The following KCND2 variants were observed in gnomAD, a reference collection of about 807,000 sequenced individuals.
The protein encoded by KCND2 is A-type voltage-gated potassium channel KCND2.
Under a neutral mutation model 54.4 loss-of-function variants are expected in KCND2, and 16 were observed. The observed-to-expected ratio is 0.29, with a 90% CI of 0.20 to 0.45. The LOEUF (loss-of-function observed/expected upper bound fraction) is 0.45, where lower values mean the gene tolerates loss of function less well. Ranked by LOEUF, KCND2 falls within the 20% of genes least tolerant of loss-of-function variation. The pLI is 1.00. For synonymous variants in KCND2, 317 were observed against 310.7 expected (o/e 1.02, Z -0.21); for missense variants, 486 against 824.2 (o/e 0.59, Z 5.02).
chr7:120,560,228 A>G (rs771154911), intron 1 of KCND2, among the ~76,000 whole-genome samples: 3 of 152,214 alleles, frequency 2.0e-5, no homozygotes, highest in Non-Finnish European at 4.4e-5. Context: ...AAAGTCCCAG[A>G]AATCATTTTT....
chr7:120,355,033 T>C (rs1359295487), intron 1 of KCND2, among the ~76,000 whole-genome samples: 15 of 152,180 alleles, frequency 9.9e-5, no homozygotes, highest in Admixed American at 9.8e-4. Flanking sequence ...GTCCAGACTA[T>C]GAAGAAATGA....
intron 1 of KCND2, among the ~76,000 whole-genome samples, chr7:120,618,878 G>C (rs1257698196): frequency 1.3e-5 from 2 of 151,988 alleles, no homozygotes; most frequent in Non-Finnish European, 2.9e-5. Context: ...AGGTCTTACT[G>C]TGTTGCACAG....
intron 1 of KCND2, among the ~76,000 whole-genome samples, chr7:120,716,618 C>A (rs1386207861): frequency 1.3e-5 from 2 of 152,082 alleles, no homozygotes; most frequent in Non-Finnish European, 2.9e-5. Flanking sequence ...AAAGCTTTTT[C>A]TAGGCATAAC....
chr7:120,623,912 A>G (rs537784898), intron 1 of KCND2, among the ~76,000 whole-genome samples: 1 of 152,298 alleles, frequency 6.6e-6, no homozygotes, highest in South Asian at 2.1e-4. Context: ...TTCAGGGCTT[A>G]ATACAGCCAG....
intron 1 of KCND2, among the ~76,000 whole-genome samples, chr7:120,359,916 C>T (rs886407319): frequency 6.6e-6 from 1 of 152,018 alleles, no homozygotes; most frequent in African/African-American, 2.4e-5. Flanking sequence ...CCATGTAAGC[C>T]GTGCCTGCTT....
At chr7:120,439,546 T>C (rs939905507) in intron 1 of KCND2, among the ~76,000 whole-genome samples, 1 of 152,054 alleles carries the variant, frequency 6.6e-6, no homozygotes, top group Admixed American at 6.6e-5. Flanking sequence ...TCTGAAAATA[T>C]ACAATAAATT....
chr7:120,650,532 G>T (rs1456966665), intron 1 of KCND2, among the ~76,000 whole-genome samples: 1 of 142,836 alleles, frequency 7.0e-6, no homozygotes, highest in Non-Finnish European at 1.5e-5. Flanking sequence ...TTTTTTCAAG[G>T]TTTTTAGCTT....
chr7:120,450,030 G>T (rs1411123637), intron 1 of KCND2, among the ~76,000 whole-genome samples: 1 of 152,222 alleles, frequency 6.6e-6, no homozygotes, highest in Admixed American at 6.5e-5. Context: ...CTCCAGTGAA[G>T]GAAGCATTTA....
chr7:120,617,657 G>A (rs895113180), intron 1 of KCND2, among the ~76,000 whole-genome samples: 2 of 152,104 alleles, frequency 1.3e-5, no homozygotes, highest in African/African-American at 4.8e-5. Context: ...TATACCCAAA[G>A]GAATATAAGT....
intron 1 of KCND2, among the ~76,000 whole-genome samples, chr7:120,600,776 A>G (rs985386070): frequency 6.6e-6 from 1 of 152,154 alleles, no homozygotes; most frequent in East Asian, 1.9e-4. Context: ...AAAATTTGAT[A>G]TAATATGCTG....
At chr7:120,421,905 CT>C (rs1801630584) in intron 1 of KCND2, among the ~76,000 whole-genome samples, 1 of 152,108 alleles carries the variant, frequency 6.6e-6, no homozygotes, top group Admixed American at 6.6e-5. Context: ...CTAGTGGCCA[CT>C]TTTCAGGGAG....
chr7:120,523,570 CAA>C (rs967068263), intron 1 of KCND2, among the ~76,000 whole-genome samples: 1 of 143,316 alleles, frequency 7.0e-6, no homozygotes. Context: ...CTCGATAAGC[CAA>C]AAAAAAACAT....
chr7:120,388,890 G>GTA (rs71155908), intron 1 of KCND2, among the ~76,000 whole-genome samples: 113,947 of 146,232 alleles, frequency 0.78, 46,888 homozygotes, highest in South Asian at 0.95. Flanking sequence ...ATATATACAT[G>GTA]TATATATATA....
intron 1 of KCND2, among the ~76,000 whole-genome samples, chr7:120,371,852 G>A (rs1222986667): frequency 6.6e-6 from 1 of 151,870 alleles, no homozygotes; most frequent in East Asian, 1.9e-4. Flanking sequence ...CTCTATGTTT[G>A]TGTATGTACA....
chr7:120,431,063 A>G (rs1019006417), intron 1 of KCND2, among the ~76,000 whole-genome samples: 5 of 152,214 alleles, frequency 3.3e-5, no homozygotes, highest in African/African-American at 7.2e-5. Flanking sequence ...TATGTTTAAC[A>G]TCTGCAGCTT....
At chr7:120,298,432 G>C (rs1183400668) in intron 1 of KCND2, among the ~76,000 whole-genome samples, 2 of 152,128 alleles carry the variant, frequency 1.3e-5, no homozygotes, top group Admixed American at 6.6e-5. Flanking sequence ...TTGACCAACT[G>C]TACTTTTCAG....
At chr7:120,567,724 AT>A (rs945741475) in intron 1 of KCND2, among the ~76,000 whole-genome samples, 7 of 152,028 alleles carry the variant, frequency 4.6e-5, no homozygotes, top group Non-Finnish European at 5.9e-5. Context: ...TAAGATTTGT[AT>A]TTTTTTATTA....
intron 1 of KCND2, among the ~76,000 whole-genome samples, chr7:120,310,278 A>C (rs1210752575): frequency 6.6e-6 from 1 of 152,250 alleles, no homozygotes; most frequent in Non-Finnish European, 1.5e-5. Context: ...AATTGCAAAA[A>C]TTATAGGATA....
intron 1 of KCND2, among the ~76,000 whole-genome samples, chr7:120,548,944 C>G (rs1347766272): frequency 1.3e-5 from 2 of 152,114 alleles, no homozygotes; most frequent in African/African-American, 4.8e-5. Context: ...CTCATTGACT[C>G]TGTGGCACCA....
Sources: allele counts gnomAD v4.1 joint callset (sites outside exome capture counted in the v4.1 genomes callset), GRCh38; gene constraint gnomAD v4.1.1; transcripts MANE v1.5; gene names NCBI Gene and HGNC (gene_info 2026-07-23, HGNC 2026-07-21).